Variants in HPSE2 observed in about 807,000 individuals in gnomAD.
HPSE2 encodes the protein heparanase 2 (inactive).
A neutral mutation model predicts 60.5 loss-of-function variants in HPSE2; 38 were observed. That is an observed-to-expected ratio of 0.63 (90% CI 0.48 to 0.82). HPSE2 has a LOEUF of 0.82. HPSE2 is among the 40% of genes least tolerant of loss of function. The pLI, the probability that HPSE2 is intolerant of heterozygous loss-of-function variation, is 0.00. For missense variants in HPSE2, 713 were observed against 740.4 expected, an observed-to-expected ratio of 0.96 and a Z score of 0.43; for synonymous variants, 295 against 293.2, an observed-to-expected ratio of 1.01 and a Z score of -0.06.
chr10:99,002,012 T>C (rs1400646453), intron 3 of HPSE2, among the ~76,000 whole-genome samples: 4 of 152,032 alleles, frequency 2.6e-5, no homozygotes, highest in Non-Finnish European at 5.9e-5. Context: ...TGTGGCTGTG[T>C]TCCAATAAAA....
intron 3 of HPSE2, among the ~76,000 whole-genome samples, chr10:99,132,051 G>A (rs1845405469): frequency 6.6e-6 from 1 of 151,388 alleles, no homozygotes; most frequent in South Asian, 2.1e-4. Context: ...GGCAGAGGTT[G>A]CAGAGAGCCA....
chr10:99,239,665 G>A (rs867317873), upstream of HPSE2, among the ~76,000 whole-genome samples: 1 of 151,486 alleles, frequency 6.6e-6, no homozygotes, highest in Non-Finnish European at 1.5e-5. Context: ...CTTGAGCTCA[G>A]GCAATCCACC....
chr10:99,136,900 G>T (rs964489523), intron 3 of HPSE2, among the ~76,000 whole-genome samples: 1 of 152,110 alleles, frequency 6.6e-6, no homozygotes, highest in Non-Finnish European at 1.5e-5. Flanking sequence ...GGACAATCAG[G>T]CAAAAGAAAG....
intron 9 of HPSE2, among the ~76,000 whole-genome samples, chr10:98,587,072 C>T (rs889804426): frequency 5.3e-5 from 8 of 152,088 alleles, no homozygotes; most frequent in African/African-American, 1.7e-4. Flanking sequence ...CTTAATAAAC[C>T]ATAGCTTATA....
intron 4 of HPSE2, among the ~76,000 whole-genome samples, chr10:98,723,542 C>A (rs971063634): frequency 6.6e-6 from 1 of 152,270 alleles, no homozygotes; most frequent in South Asian, 2.1e-4. Flanking sequence ...AGGAATGGTA[C>A]CAGCTCCTCC....
At chr10:99,223,511 T>C (rs916502604) in intron 2 of HPSE2, among the ~76,000 whole-genome samples, 4 of 152,148 alleles carry the variant, frequency 2.6e-5, no homozygotes, top group African/African-American at 9.7e-5. Context: ...AACACAAACA[T>C]ATAGATACAT....
At chr10:99,171,663 A>T (rs951165893) in intron 2 of HPSE2, among the ~76,000 whole-genome samples, 2 of 152,212 alleles carry the variant, frequency 1.3e-5, no homozygotes, top group African/African-American at 4.8e-5. Flanking sequence ...ATAATCAGAG[A>T]TGGCAATTTC....
chr10:99,013,589 A>G, intron 3 of HPSE2: 2 of 239,032 alleles, frequency 8.4e-6, no homozygotes, highest in Non-Finnish European at 1.6e-5. Context: ...CTCCTGTCTC[A>G]GCCTCCCGAG....
intron 5 of HPSE2, among the ~76,000 whole-genome samples, chr10:98,708,596 T>C (rs892810545): frequency 1.3e-5 from 2 of 152,244 alleles, no homozygotes; most frequent in Non-Finnish European, 2.9e-5. Context: ...TATGTGCTCA[T>C]GTAAAAATTG....
intron 9 of HPSE2, among the ~76,000 whole-genome samples, chr10:98,601,347 A>C (rs1945420480): frequency 6.6e-6 from 1 of 152,204 alleles, no homozygotes. Context: ...CATACAATTA[A>C]CCATCATACT....
At chr10:99,252,615 G>A in the HPSE2 span, among the ~76,000 whole-genome samples, 7 of 152,092 alleles carry the variant, frequency 4.6e-5, no homozygotes, top group Admixed American at 4.6e-4. Flanking sequence ...AGTGGCTCAC[G>A]CCTGTAATCC....
chr10:98,732,555 TG>T (rs1949253482), intron 4 of HPSE2, among the ~76,000 whole-genome samples: 2 of 152,210 alleles, frequency 1.3e-5, no homozygotes, highest in South Asian at 2.1e-4. Context: ...TTTTAATAAA[TG>T]GTACTGGGAA....
At chr10:99,268,408 C>T in the HPSE2 span, among the ~76,000 whole-genome samples, 3 of 152,046 alleles carry the variant, frequency 2.0e-5, no homozygotes, top group East Asian at 1.9e-4. Flanking sequence ...CTTTGGGAGG[C>T]TGAGCTGGGT....
chr10:98,936,154 C>T (rs1954783680), intron 3 of HPSE2, among the ~76,000 whole-genome samples: 1 of 144,478 alleles, frequency 6.9e-6, no homozygotes, highest in Non-Finnish European at 1.5e-5. Context: ...TCACCCCTGC[C>T]TGGGAATTCG....
chr10:99,250,260 C>T, the HPSE2 span, among the ~76,000 whole-genome samples: 1 of 152,138 alleles, frequency 6.6e-6, no homozygotes, highest in Non-Finnish European at 1.5e-5. Flanking sequence ...CTGAGGCCTC[C>T]CCAACCATGC....
chr10:98,846,867 C>T (rs184956529), intron 3 of HPSE2, among the ~76,000 whole-genome samples: 2 of 152,204 alleles, frequency 1.3e-5, no homozygotes, highest in South Asian at 2.1e-4. Context: ...TCACTGTGCC[C>T]GGCTCTGACA....
At chr10:98,587,401 G>A (rs1424270389) in intron 9 of HPSE2, among the ~76,000 whole-genome samples, 1 of 152,160 alleles carries the variant, frequency 6.6e-6, no homozygotes, top group East Asian at 1.9e-4. Context: ...GGCAGGTTAT[G>A]GCCATATCAT....
intron 3 of HPSE2, among the ~76,000 whole-genome samples, chr10:99,023,233 G>A (rs1199821936): frequency 1.3e-5 from 2 of 152,120 alleles, no homozygotes; most frequent in Admixed American, 1.3e-4. Context: ...GCCTGGGGTG[G>A]CGGTGGCTAT....
intron 5 of HPSE2, among the ~76,000 whole-genome samples, chr10:98,718,033 A>G (rs1026598349): frequency 6.6e-6 from 1 of 152,104 alleles, no homozygotes; most frequent in Non-Finnish European, 1.5e-5. Flanking sequence ...GACAAGAAAA[A>G]CCATAATGAA....
Sources: gnomAD v4.1 joint callset for allele counts (sites outside exome capture counted in the v4.1 genomes callset) on GRCh38, gnomAD v4.1.1 for gene constraint, MANE v1.5 for transcripts, NCBI Gene and HGNC (gene_info 2026-07-23, HGNC 2026-07-21) for gene names.